Variants in ABCA13 observed in about 807,000 individuals in gnomAD.
The protein encoded by ABCA13 is ATP-binding cassette sub-family A member 13.
In ABCA13, 476 loss-of-function variants were observed where a neutral mutation model predicts 478.7. That is an observed-to-expected ratio of 0.99 (90% confidence interval 0.92 to 1.07). The LOEUF (loss-of-function observed/expected upper bound fraction) is 1.07. Among genes scored for constraint, ABCA13 ranks in the 50% least tolerant of loss-of-function variants. ABCA13 has a pLI of 0.00. For synonymous variants in ABCA13, 2,252 were observed against 2,158.9 expected (o/e 1.04, Z -1.20); for missense variants, 6,060 against 5,910.6 (o/e 1.03, Z -0.83).
intron 41 of ABCA13, among the ~76,000 whole-genome samples, chr7:48,414,581 A>T (rs1819711120): frequency 6.7e-6 from 1 of 150,134 alleles, no homozygotes; most frequent in Non-Finnish European, 1.5e-5. Flanking sequence ...TACATATGTA[A>T]CATATAATAT....
intron 33 of ABCA13, among the ~76,000 whole-genome samples, chr7:48,374,019 G>T (rs1483975780): frequency 2.0e-5 from 3 of 152,130 alleles, no homozygotes; most frequent in Non-Finnish European, 4.4e-5. Flanking sequence ...ATAAAAAATA[G>T]TAAATTACTC....
chr7:48,280,963 C>G (rs1796947850), intron 18 of ABCA13, among the ~76,000 whole-genome samples: 1 of 152,158 alleles, frequency 6.6e-6, no homozygotes, highest in African/African-American at 2.4e-5. Flanking sequence ...CATTCTCCAC[C>G]AATCTCAGGT....
chr7:48,603,712 A>T, intron 58 of ABCA13: 1 of 191,288 alleles, frequency 5.2e-6, no homozygotes, highest in South Asian at 8.8e-5. Context: ...TTTTTCTGCC[A>T]GGTTTTGGTA....
At chr7:48,617,195 G>A (rs904161261) in intron 59 of ABCA13, among the ~76,000 whole-genome samples, 1 of 152,004 alleles carries the variant, frequency 6.6e-6, no homozygotes, top group Non-Finnish European at 1.5e-5. Context: ...CATAAACTTC[G>A]GCATCCATAC....
rs143222872 is a variant in ABCA13 at position 48,211,831 on chromosome 7, A to G, written c.288-7523A>G. ...TTTATTTTACAGTGGCTGAACTGGT[A>G]TCCAGCTTGCCAGACCAAGTCCTCT... On this transcript the variant is annotated intron_variant, in intron 3 of 61. Coordinates refer to ENST00000435803, the MANE Select transcript of ABCA13 (RefSeq NM_152701.5). 3.2e-3 allele frequency among the ~76,000 whole-genome samples: 486 copies of G among 152,038 alleles called. 3 individuals carry two copies. The highest frequency in any genetic ancestry group is 5.1e-3 in the Non-Finnish European group (345 of 67,982).
At position 48,410,600 on chromosome 7, in the gene ABCA13, A is replaced by G; in HGVS notation, c.12151A>G (p.Arg4051Gly). Residue 4051 changes from arginine to glycine, a missense_variant, in exon 40 of 62, where the codon AGG becomes GGG. Arg to Gly is a moderately radical substitution (Grantham distance 125). This residue lies in a region of ABCA13 where 1,627 missense variants were observed against 1,571.0 expected (regional missense o/e 1.04). Transcript: ENST00000435803. The stretch of plus-strand genomic sequence containing the variant: ...CCGCGTGGCCGTCCTCCAGCATGGG[A>G]GGCTCAGGTGCTGCGGTCCTCCCTT... Reference protein sequence around the residue: ...SDRVAVLQHGRLRCCGPPFCL... With the variant: ...SDRVAVLQHGGLRCCGPPFCL... The G allele has an allele frequency of 6.2e-7, 1 of 1,614,018 alleles. No homozygotes were observed. Among genetic ancestry groups the G allele is most frequent in the East Asian group, 2.2e-5 (1 of 44,866 alleles).
At chr7:48,351,550 C>G (rs1027830721) in intron 30 of ABCA13, among the ~76,000 whole-genome samples, 3 of 152,084 alleles carry the variant, frequency 2.0e-5, no homozygotes, top group African/African-American at 7.2e-5. Context: ...CCTCATCTTC[C>G]CTCTATGTAT....
intron 10 of ABCA13, among the ~76,000 whole-genome samples, chr7:48,242,046 G>A (rs1790911232): frequency 6.6e-6 from 1 of 152,128 alleles, no homozygotes. Context: ...CAAAGGGCAG[G>A]GACAAAACAT....
At position 48,275,614 on chromosome 7, in the gene ABCA13, T is replaced by A. The variant is rs753994607; in HGVS notation, c.5948T>A (p.Ile1983Asn). ...GACAAACTAAGTAGTTTAAACAAGATCCTTAACATTAATGAAGACACAGAG... is the reference window on the plus strand; with the variant it reads ...GACAAACTAAGTAGTTTAAACAAGAACCTTAACATTAATGAAGACACAGAG... ...ILDKLSSLNK[I>N]LNINEDTETS... Residue 1983 changes from isoleucine to asparagine, a missense_variant, in exon 17 of 62, where the codon ATC becomes AAC. Coordinates refer to ENST00000435803, the MANE Select transcript of ABCA13 (RefSeq NM_152701.5). The A allele has an allele frequency of 6.2e-7, 1 of 1,609,294 alleles. No homozygotes were observed. The highest frequency in any genetic ancestry group is 1.1e-5 in the South Asian group (1 of 90,796).
In ABCA13 at chr7:48,245,863, A is replaced by T. The variant is rs766590081; in HGVS notation, c.1492A>T (p.Met498Leu). ...CTTCCCACTCTTATTAATCTTTTAG[A>T]TGTTGGCGAAGAATGCTGTCTGCCC... The part of the protein sequence containing the change: ...KDVFFWELKQ[M>L]LAKNAVCPNG... Residue 498 changes from methionine to leucine, a missense_variant and splice_region_variant, in exon 13 of 62, where the codon ATG becomes TTG. Coordinates refer to ENST00000435803, the MANE Select transcript of ABCA13 (RefSeq NM_152701.5). 25 of 1,610,484 alleles carry T rather than the reference A, an allele frequency of 1.6e-5. 1 individual carries two copies. The South Asian group carries it at 2.5e-4, about 16-fold the overall frequency.
chr7:48,377,659 G>A (rs1813715665), intron 35 of ABCA13, among the ~76,000 whole-genome samples: 1 of 152,082 alleles, frequency 6.6e-6, no homozygotes, highest in Non-Finnish European at 1.5e-5. Context: ...ACATAAATTG[G>A]AAATGTGATT....
chr7:48,372,691 G>A (rs1227181886), intron 33 of ABCA13, among the ~76,000 whole-genome samples, 194 bp downstream of exon 33: 1 of 152,128 alleles, frequency 6.6e-6, no homozygotes, highest in African/African-American at 2.4e-5. Flanking sequence ...CTGGACAGCA[G>A]CCCATTAAGA....
Position 48,227,276 on chromosome 7 carries a change from G to A in ABCA13, c.483G>A (p.Lys161=), listed in dbSNP as rs549247755. ...TTTCCCATCAGATGGATCTCAATAA[G>A]ACCGAGGAGGTAATATTGAAACTGG... ...GSSFFTMDLN[K]TEEVILKLES... The change falls in exon 6 of 62, where the codon AAG becomes AAA. Residue 161 remains lysine, a synonymous_variant. Coordinates refer to ENST00000435803, the MANE Select transcript of ABCA13 (RefSeq NM_152701.5). 6.4e-4 allele frequency: 1,028 copies of A among 1,613,238 alleles called. 8 individuals are homozygous for A. The South Asian group carries it at 0.011, about 17-fold the overall frequency.
chr7:48,423,129 A>G (rs1414125776), intron 41 of ABCA13, among the ~76,000 whole-genome samples: 1 of 152,238 alleles, frequency 6.6e-6, no homozygotes, highest in Non-Finnish European at 1.5e-5. Flanking sequence ...TGCTGCATGC[A>G]TTGTGTTAGC....
intron 27 of ABCA13, 79 bp from the exon 28 acceptor site, chr7:48,335,343 A>G: frequency 9.4e-7 from 1 of 1,059,804 alleles, no homozygotes; most frequent in South Asian, 1.7e-5. Context: ...TGGCCACATC[A>G]TATACAGTCC....
At chr7:48,433,133 AAG>A (rs1822366669) in intron 42 of ABCA13, among the ~76,000 whole-genome samples, 1 of 151,968 alleles carries the variant, frequency 6.6e-6, no homozygotes, top group Admixed American at 6.6e-5. Flanking sequence ...TTAAAAAAAA[AAG>A]AAATAAAATC....
At chr7:48,176,407 G>C (rs1203161950) in intron 1 of ABCA13, among the ~76,000 whole-genome samples, 2 of 152,034 alleles carry the variant, frequency 1.3e-5, no homozygotes. Flanking sequence ...AAACTACACT[G>C]GCCACAGTTT....
At chr7:48,453,544 A>C (rs1238050366) in intron 42 of ABCA13, among the ~76,000 whole-genome samples, 1 of 152,130 alleles carries the variant, frequency 6.6e-6, no homozygotes, top group Admixed American at 6.6e-5. Flanking sequence ...ATCTCCTGCC[A>C]CTTGCTACAC....
intron 48 of ABCA13, among the ~76,000 whole-genome samples, chr7:48,505,655 T>G (rs1831142244): frequency 6.6e-6 from 1 of 152,186 alleles, no homozygotes; most frequent in Non-Finnish European, 1.5e-5. Context: ...GTCCACAATG[T>G]CCAAGATAAA....
Sources: gnomAD v4.1 joint callset for allele counts (sites outside exome capture counted in the v4.1 genomes callset) on GRCh38, gnomAD v4.1.1 for gene constraint, gnomAD v4.1.1 regional missense constraint, MANE v1.5 for transcripts, NCBI Gene and HGNC (gene_info 2026-07-23, HGNC 2026-07-21) for gene names.